MTUS2: variants seen among roughly 807,000 people sequenced by gnomAD.
MTUS2 encodes the protein microtubule associated scaffold protein 2, also known as microtubule-associated tumor suppressor candidate 2.
MTUS2 carries 40 observed loss-of-function variants against 114.1 expected under a neutral mutation model. The observed-to-expected ratio is 0.35, with a 90% confidence interval of 0.27 to 0.46. MTUS2 has a LOEUF of 0.46. MTUS2 is among the 20% of genes least tolerant of loss of function. The pLI, the probability that MTUS2 is intolerant of heterozygous loss-of-function variation, is 1.00. For synonymous variants in MTUS2, 688 were observed against 672.0 expected (o/e 1.02, Z -0.37); for missense variants, 1,679 against 1,705.4 (o/e 0.98, Z 0.27).
At chr13:29,023,458 T>C (rs771454640) in intron 2 of MTUS2, among the ~76,000 whole-genome samples, 1 of 152,224 alleles carries the variant, frequency 6.6e-6, no homozygotes, top group African/African-American at 2.4e-5. Flanking sequence ...CTCCTTCTCA[T>C]ATGCACACAC....
intron 2 of MTUS2, among the ~76,000 whole-genome samples, chr13:28,904,733 G>A (rs1294421433): frequency 6.6e-6 from 1 of 152,118 alleles, no homozygotes; most frequent in African/African-American, 2.4e-5. Flanking sequence ...ACTTGGCAAT[G>A]CGGGCTGTTT....
At position 28,910,682 on chromosome 13, in the gene MTUS2, C is replaced by T. The variant is rs559897892; in HGVS notation, c.-243+70832C>T. ...TTGCTGAGGATAACAGCTTCCAGCTCCATTCATGTCCCTGCAAAGGACATG... is the reference window on the plus strand; with the variant it reads ...TTGCTGAGGATAACAGCTTCCAGCTTCATTCATGTCCCTGCAAAGGACATG... On this transcript the variant is annotated intron_variant, in intron 2 of 15. Transcript: ENST00000612955. Among the ~76,000 whole-genome samples, 3 of 152,058 alleles carry T rather than the reference C, an allele frequency of 2.0e-5. No individual in the cohort carries two copies. The East Asian group carries it at 5.8e-4, about 29-fold the overall frequency.
chr13:29,432,799 G>A (rs930572542), intron 8 of MTUS2, among the ~76,000 whole-genome samples: 2 of 152,158 alleles, frequency 1.3e-5, no homozygotes, highest in Non-Finnish European at 2.9e-5. Context: ...GGGTTAATTT[G>A]CATATCTCTA....
At chr13:29,396,294 A>T (rs573061908) in intron 8 of MTUS2, among the ~76,000 whole-genome samples, 1 of 152,178 alleles carries the variant, frequency 6.6e-6, no homozygotes, top group Non-Finnish European at 1.5e-5. Flanking sequence ...AACTCCTTGT[A>T]TGTATTTTTT....
chr13:29,325,582 A>G (rs146756481), intron 7 of MTUS2, among the ~76,000 whole-genome samples: 64 of 24,900 alleles, frequency 2.6e-3, no homozygotes, highest in African/African-American at 3.5e-3. Flanking sequence ...AGGAGGAGGA[A>G]GAGGAAGAAG....
intron 8 of MTUS2, among the ~76,000 whole-genome samples, chr13:29,360,775 T>G (rs1274771173): frequency 6.8e-6 from 1 of 147,602 alleles, no homozygotes; most frequent in Non-Finnish European, 1.5e-5. Flanking sequence ...GATGAGCATT[T>G]TTGTAATTAG....
intron 5 of MTUS2, among the ~76,000 whole-genome samples, chr13:29,146,439 C>G (rs1317938937): frequency 2.6e-5 from 4 of 152,064 alleles, no homozygotes; most frequent in Non-Finnish European, 5.9e-5. Flanking sequence ...TTTCTTAATC[C>G]AAAGATTTCA....
chr13:28,867,363 GA>G (rs1181076949), intron 2 of MTUS2, among the ~76,000 whole-genome samples: 1 of 151,986 alleles, frequency 6.6e-6, no homozygotes, highest in East Asian at 1.9e-4. Context: ...AAAATTATAA[GA>G]AAAAATATGG....
chr13:29,060,147 G>T (rs1003933916), intron 4 of MTUS2, among the ~76,000 whole-genome samples: 1 of 152,230 alleles, frequency 6.6e-6, no homozygotes, highest in African/African-American at 2.4e-5. Flanking sequence ...CAGTCTTACT[G>T]CTCCCAAGCA....
chr13:29,497,991 T>G (rs1187824133), intron 13 of MTUS2, among the ~76,000 whole-genome samples: 1 of 152,234 alleles, frequency 6.6e-6, no homozygotes, highest in Non-Finnish European at 1.5e-5. Flanking sequence ...TAAACCACTT[T>G]GCTCATTTCC....
chr13:28,904,844 C>G (rs1424607219), intron 2 of MTUS2, among the ~76,000 whole-genome samples: 2 of 151,938 alleles, frequency 1.3e-5, no homozygotes, highest in African/African-American at 2.4e-5. Context: ...TTACCTTGGG[C>G]AGTATGGCCA....
At chr13:29,432,905 C>T (rs1877114499) in intron 8 of MTUS2, among the ~76,000 whole-genome samples, 2 of 152,194 alleles carry the variant, frequency 1.3e-5, no homozygotes, top group Non-Finnish European at 2.9e-5. Context: ...CTCACTGTTC[C>T]TCCCAGGTAT....
chr13:29,279,141 G>A (rs931115507), intron 5 of MTUS2, among the ~76,000 whole-genome samples: 2 of 152,124 alleles, frequency 1.3e-5, no homozygotes, highest in Non-Finnish European at 2.9e-5. Flanking sequence ...CAACAGCTCT[G>A]TGAGGTAGAT....
chr13:29,356,016 A>G (rs1344802170), intron 7 of MTUS2, among the ~76,000 whole-genome samples: 1 of 152,280 alleles, frequency 6.6e-6, no homozygotes, highest in African/African-American at 2.4e-5. Context: ...GAAAGAGTCT[A>G]AGTAGGTTCT....
In MTUS2 at chr13:28,951,166, TAAG is replaced by T. The variant is rs1593326757; in HGVS notation, c.-242-73288_-242-73286del. The stretch of plus-strand genomic sequence containing the variant: ...TACACTAATAATGAACATTTCAAAA[TAAG>T]AAAATTCCATTTACAATAACACCAA... On this transcript the variant is annotated intron_variant, in intron 2 of 15. Coordinates refer to ENST00000612955, the MANE Select transcript of MTUS2 (RefSeq NM_001033602.4). Among the ~76,000 whole-genome samples, 3 of 152,208 alleles carry T rather than the reference TAAG, an allele frequency of 2.0e-5. No individual in the cohort carries two copies. In the East Asian group the frequency reaches 5.8e-4, roughly 29 times the overall value.
chr13:28,861,820 G>A (rs892166831), intron 2 of MTUS2, among the ~76,000 whole-genome samples: 2 of 152,152 alleles, frequency 1.3e-5, no homozygotes, highest in Admixed American at 1.3e-4. Flanking sequence ...AGTGGAGGTG[G>A]CGACCCTGTG....
chr13:29,304,263 T>C (rs1446044205), intron 6 of MTUS2, among the ~76,000 whole-genome samples: 1 of 152,110 alleles, frequency 6.6e-6, no homozygotes, highest in Non-Finnish European at 1.5e-5. Context: ...AGCATCATGA[T>C]GACAGGATCA....
At chr13:29,442,219 T>C (rs1203942130) in intron 9 of MTUS2, among the ~76,000 whole-genome samples, 1 of 152,080 alleles carries the variant, frequency 6.6e-6, no homozygotes, top group East Asian at 1.9e-4. Context: ...AATTCTCAAT[T>C]CACAGCGACC....
intron 5 of MTUS2, among the ~76,000 whole-genome samples, chr13:29,183,425 G>A (rs990705080): frequency 3.3e-5 from 5 of 152,170 alleles, no homozygotes; most frequent in Admixed American, 6.5e-5. Flanking sequence ...TGTTTCGGAC[G>A]TGGCTAATTG....
Sources: gnomAD v4.1 joint callset for allele counts (sites outside exome capture counted in the v4.1 genomes callset) on GRCh38, gnomAD v4.1.1 for gene constraint, MANE v1.5 for transcripts, NCBI Gene and HGNC (gene_info 2026-07-23, HGNC 2026-07-21) for gene names.